KCNU1: variants seen among roughly 807,000 people sequenced by gnomAD.
The protein encoded by KCNU1 is potassium channel subfamily U member 1.
In KCNU1, 93 loss-of-function variants were observed where a neutral mutation model predicts 126.8. The observed-to-expected ratio is 0.73, with a 90% CI of 0.62 to 0.87. The LOEUF is 0.87. Ranked by LOEUF, KCNU1 falls within the 40% of genes least tolerant of loss-of-function variation. The pLI, the probability that KCNU1 is intolerant of heterozygous loss-of-function variation, is 0.00. For missense variants in KCNU1, 1,330 were observed against 1,367.1 expected (o/e 0.97, Z 0.43); for synonymous variants, 523 against 494.2 (o/e 1.06, Z -0.77).
intron 24 of KCNU1, among the ~76,000 whole-genome samples, chr8:36,926,812 A>G (rs569708841): frequency 6.6e-6 from 1 of 152,154 alleles, no homozygotes; most frequent in Non-Finnish European, 1.5e-5. Flanking sequence ...AGAGGTTACA[A>G]TTAGACTCTA....
At chr8:36,904,692 G>A (rs955713964) in intron 19 of KCNU1, among the ~76,000 whole-genome samples, 7 of 152,148 alleles carry the variant, frequency 4.6e-5, no homozygotes, top group Admixed American at 4.6e-4. Context: ...AGCCAAGGCA[G>A]TTAGAGGCCT....
intron 18 of KCNU1, among the ~76,000 whole-genome samples, chr8:36,848,039 G>C (rs1805212965): frequency 6.6e-6 from 1 of 152,242 alleles, no homozygotes; most frequent in East Asian, 1.9e-4. Context: ...ATAGCTCATT[G>C]TAGTTTTGAT....
At chr8:36,923,052 T>C (rs1243081346) in intron 24 of KCNU1, 1 of 457,586 alleles carries the variant, frequency 2.2e-6, no homozygotes, top group Non-Finnish European at 4.4e-6. Flanking sequence ...CTGGTGAGTT[T>C]TGCTCAGAGC....
intron 2 of KCNU1, among the ~76,000 whole-genome samples, chr8:36,792,673 A>G (rs914470911): frequency 6.6e-6 from 1 of 152,200 alleles, no homozygotes; most frequent in African/African-American, 2.4e-5. Context: ...ATAGAAATAC[A>G]ATGTAAAATT....
At chr8:36,829,850 C>T (rs1052124207) in intron 10 of KCNU1, among the ~76,000 whole-genome samples, 1 of 150,988 alleles carries the variant, frequency 6.6e-6, no homozygotes, top group Middle Eastern at 3.2e-3. Context: ...TTTCTAGGTA[C>T]TTGGTATTTT....
intron 26 of KCNU1, 134 bp from the exon 27 acceptor site, chr8:36,935,381 A>G: frequency 1.5e-6 from 1 of 678,828 alleles, no homozygotes; most frequent in East Asian, 2.5e-5. Flanking sequence ...ATTAATCAGA[A>G]ACCCATGAAG....
At chr8:36,812,624 A>G (rs762608985) in intron 7 of KCNU1, among the ~76,000 whole-genome samples, 6 of 152,200 alleles carry the variant, frequency 3.9e-5, no homozygotes, top group Non-Finnish European at 7.3e-5. Flanking sequence ...GTTTTGAAAT[A>G]TGGAGTTAAA....
intron 18 of KCNU1, among the ~76,000 whole-genome samples, chr8:36,861,099 C>G (rs1411892998): frequency 6.6e-6 from 1 of 152,042 alleles, no homozygotes. Context: ...GTCAGAAGTC[C>G]CCTGGTCTTA....
intron 19 of KCNU1, among the ~76,000 whole-genome samples, chr8:36,866,354 G>A (rs1310300247): frequency 6.6e-6 from 1 of 152,136 alleles, no homozygotes. Context: ...CAAAGGTGGG[G>A]TTGGAGTCAA....
chr8:36,879,007 A>G (rs534011091), intron 19 of KCNU1, among the ~76,000 whole-genome samples: 2 of 148,054 alleles, frequency 1.4e-5, no homozygotes, highest in Non-Finnish European at 3.0e-5. Flanking sequence ...CAACTATGAT[A>G]GCAAATCATC....
At chr8:36,858,176 CAAAAAA>C (rs67265944) in intron 18 of KCNU1, among the ~76,000 whole-genome samples, 5 of 73,046 alleles carry the variant, frequency 6.8e-5, no homozygotes, top group Admixed American at 3.8e-4. Context: ...TCAAGGATGG[CAAAAAA>C]AAAAAAAAAA....
intron 18 of KCNU1, among the ~76,000 whole-genome samples, chr8:36,861,525 C>T (rs933180028): frequency 1.3e-5 from 2 of 152,196 alleles, no homozygotes; most frequent in Non-Finnish European, 2.9e-5. Context: ...TACCCCACTT[C>T]TGCAAGACTA....
rs182307007 is a variant in KCNU1 at position 36,935,617 on chromosome 8, G to A, written c.3147G>A (p.Glu1049=). ...FSTACYKRNE[E]FSLQKSYEIV... ...CTGCTTGTTATAAAAGGAATGAAGA[G>A]TTCTCATTGCAAAAGTCATATGAAA... Residue 1049 remains glutamate (E), a synonymous_variant, in exon 27 of 27, where the codon GAG becomes GAA. Coordinates refer to ENST00000399881, the MANE Select transcript of KCNU1 (RefSeq NM_001031836.3). The A allele has an allele frequency of 2.5e-6, 4 of 1,613,356 alleles. No homozygotes were observed. The highest frequency in any genetic ancestry group is 1.7e-5 in the Admixed American group (1 of 59,956).
chr8:36,906,104 A>G (rs1807618195), intron 20 of KCNU1, among the ~76,000 whole-genome samples: 1 of 151,510 alleles, frequency 6.6e-6, no homozygotes, highest in Admixed American at 6.6e-5. Flanking sequence ...GTTCTCCTGA[A>G]GTTTTGCTGT....
At chr8:36,808,462 T>C (rs1803586398) in intron 6 of KCNU1, among the ~76,000 whole-genome samples, 1 of 152,122 alleles carries the variant, frequency 6.6e-6, no homozygotes, top group Non-Finnish European at 1.5e-5. Flanking sequence ...CAAACAAGTA[T>C]ATGTGACTGG....
intron 2 of KCNU1, among the ~76,000 whole-genome samples, chr8:36,793,716 C>T (rs886932073): frequency 6.6e-6 from 1 of 151,966 alleles, no homozygotes; most frequent in African/African-American, 2.4e-5. Context: ...CAGATTTCTG[C>T]TAGTTGTCCT....
At chr8:36,889,395 A>C (rs1289437268) in intron 19 of KCNU1, 1 of 369,212 alleles carries the variant, frequency 2.7e-6, no homozygotes, top group Non-Finnish European at 5.5e-6. Flanking sequence ...AGATTAAGAC[A>C]AATGAGACTG....
At chr8:36,887,114 G>A (rs1249203419) in intron 19 of KCNU1, among the ~76,000 whole-genome samples, 1 of 152,040 alleles carries the variant, frequency 6.6e-6, no homozygotes, top group African/African-American at 2.4e-5. Context: ...ACATATGTGT[G>A]CAGGGGTCTT....
rs768647225 is a variant in KCNU1 at position 36,909,392 on chromosome 8, G to C, written c.2188G>C (p.Gly730Arg). 6.2e-7 allele frequency: 1 copy of C among 1,613,360 alleles called. No individual in the cohort carries two copies. The highest frequency in any genetic ancestry group is 1.1e-5 in the South Asian group (1 of 91,064). ...VFGDAHSAPM[G>R]LRNFVMPLRA... is the part of the protein sequence containing the mutation. ...TGGAGATGCCCACTCAGCCCCGATG[G>C]GGCTTCGGAACTTTGTAATGCCCTT... Residue 730 changes from glycine to arginine, a missense_variant, in exon 21 of 27, where the codon GGG (glycine) becomes CGG (arginine). By Grantham distance (125) the Gly-to-Arg change is moderately radical. This residue lies in a region of KCNU1 where 1,054 missense variants were observed against 1,053.9 expected (regional missense o/e 1.00). Coordinates refer to ENST00000399881, the MANE Select transcript of KCNU1 (RefSeq NM_001031836.3).
Sources: allele counts gnomAD v4.1 joint callset (sites outside exome capture counted in the v4.1 genomes callset), GRCh38; gene constraint gnomAD v4.1.1; regional missense constraint gnomAD v4.1.1; transcripts MANE v1.5; gene names NCBI Gene and HGNC (gene_info 2026-07-23, HGNC 2026-07-21).